Variants in SLITRK5 observed in about 807,000 individuals in gnomAD.
The protein encoded by SLITRK5 is SLIT and NTRK-like protein 5.
SLITRK5 carries 23 observed loss-of-function variants against 56.2 expected under a neutral mutation model. That is an observed-to-expected ratio of 0.41 (90% CI 0.29 to 0.58). SLITRK5 has a LOEUF of 0.58. Among genes scored for constraint, SLITRK5 ranks in the 20% least tolerant of loss-of-function variants. The pLI is 0.30. For missense variants in SLITRK5, 1,289 were observed against 1,226.6 expected, an observed-to-expected ratio of 1.05 and a Z score of -0.76; for synonymous variants, 637 against 531.8, an observed-to-expected ratio of 1.20 and a Z score of -2.72.
intron 1 of SLITRK5, among the ~76,000 whole-genome samples, chr13:87,673,197 C>G (rs958349243): frequency 6.7e-6 from 1 of 150,116 alleles, no homozygotes; most frequent in Non-Finnish European, 1.5e-5. Flanking sequence ...CCCCCGCCCT[C>G]CAGGAAAAAA....
Position 87,671,416 on chromosome 13 carries a change from T to A in SLITRK5, c.-802T>A, listed in dbSNP as rs372635271. 4.6e-5 allele frequency among the ~76,000 whole-genome samples: 7 copies of A among 152,150 alleles called. No individual in the cohort carries two copies. The East Asian group carries it at 1.4e-3, about 30-fold the overall frequency. On this transcript the variant is annotated 5_prime_UTR_variant, in exon 1 of 2. Coordinates refer to ENST00000683689, the MANE Select transcript of SLITRK5 (RefSeq NM_001384609.1). ...CGGGCCCATCATGTCTGCTGCAGCT[T>A]GGCTCGCACCAGAGGCGCGACAATA...
Position 87,676,495 on chromosome 13 carries a change from G to T in SLITRK5, c.1107G>T (p.Pro369=), listed in dbSNP as rs776020568. 6.2e-6 allele frequency: 10 copies of T among 1,613,974 alleles called. No individual in the cohort carries two copies. The highest frequency in any genetic ancestry group is 2.2e-5 in the South Asian group (2 of 91,078). ...GCATCGCCTATCAGACCAAATCCCC[G>T]GTGCCTTTGGAGTGTCCCACCGCGT... ...GPSIAYQTKS[P]VPLECPTACS... is the part of the protein sequence containing the mutation. The change falls in exon 2 of 2, where the codon CCG becomes CCT. Residue 369 remains proline, a synonymous_variant. Transcript: ENST00000683689.
In SLITRK5 at chr13:87,678,256, C is replaced by G; in HGVS notation, c.2868C>G (p.Ser956Arg). ...TGCTGGAAAAACAGACCACGTTTAGCCAGTTCTAAAAGCAAAGAAACTCTC... is the reference window on the plus strand; with the variant it reads ...TGCTGGAAAAACAGACCACGTTTAGGCAGTTCTAAAAGCAAAGAAACTCTC... ...LEVLEKQTTF[S>R]QF The change falls in exon 2 of 2, where the codon AGC becomes AGG. Residue 956 changes from serine (S) to arginine (R), a missense_variant. Around this residue, in one of 3 missense-constraint regions of SLITRK5, gnomAD observed 985 missense variants for 906.0 expected, o/e 1.09. Transcript: ENST00000683689. 1 of 1,606,424 alleles carries G rather than the reference C, an allele frequency of 6.2e-7. No homozygotes were observed. Among genetic ancestry groups the G allele is most frequent in the Non-Finnish European group, 8.5e-7 (1 of 1,176,004 alleles).
rs1877287224 is a variant in SLITRK5 at position 87,676,603 on chromosome 13, G to T, written c.1215G>T (p.Gln405His). The T allele has an allele frequency of 3.7e-6, 6 of 1,614,070 alleles. No homozygotes were observed. The East Asian group carries it at 1.3e-4, about 36-fold the overall frequency. Residue 405 changes from glutamine to histidine, a missense_variant, in exon 2 of 2, where the codon CAG (glutamine) becomes CAT (histidine). This residue lies in a region of SLITRK5 where 985 missense variants were observed against 906.0 expected (regional missense o/e 1.09). Transcript: ENST00000683689. ...ERKIESIAEL[Q>H]PKPYNPKKMY... is the part of the protein sequence containing the mutation. The stretch of plus-strand genomic sequence containing the variant: ...AGATCGAGAGCATCGCTGAACTGCA[G>T]CCCAAGCCCTACAATCCCAAGAAAA...
Position 87,675,998 on chromosome 13 carries a change from C to T in SLITRK5, c.610C>T (p.His204Tyr). 1.9e-6 allele frequency: 3 copies of T among 1,614,126 alleles called. No individual in the cohort carries two copies. Among genetic ancestry groups the T allele is most frequent in the Non-Finnish European group, 1.7e-6 (2 of 1,180,034 alleles). The part of the protein sequence containing the change: ...NNLFRFVPLT[H>Y]LDLRGNRLKL... ...TCTTTTCCGTTTTGTGCCCTTAACG[C>T]ACTTGGACCTCCGGGGGAACCGGCT... The change falls in exon 2 of 2, where the codon CAC becomes TAC. Residue 204 changes from histidine to tyrosine, a missense_variant. This residue lies in a region of SLITRK5 where 291 missense variants were observed against 286.7 expected (regional missense o/e 1.02). Coordinates refer to ENST00000683689, the MANE Select transcript of SLITRK5 (RefSeq NM_001384609.1).
rs766500454 is a variant in SLITRK5 at position 87,677,568 on chromosome 13, C to A, written c.2180C>A (p.Pro727Gln). ...YGGGGGTGGH[P>Q]HAHVHHRGPA... ...GGCGGCGGCGGCACGGGCGGCCACC[C>A]ACACGCGCACGTGCATCACCGCGGG... The change falls in exon 2 of 2, where the codon CCA (proline) becomes CAA (glutamine). Residue 727 changes from proline (P) to glutamine (Q), a missense_variant. Pro to Gln is a moderately conservative substitution (Grantham distance 76). Coordinates refer to ENST00000683689, the MANE Select transcript of SLITRK5 (RefSeq NM_001384609.1). The surrounding 1 kb of genome is among the most constrained non-coding windows in gnomAD (Gnocchi z 4.7). 1.3e-5 allele frequency: 21 copies of A among 1,609,408 alleles called. No individual in the cohort carries two copies. The highest frequency in any genetic ancestry group is 1.8e-5 in the Non-Finnish European group (21 of 1,177,204).
In SLITRK5 at chr13:87,677,698, C is replaced by T. The variant is rs1387841936; in HGVS notation, c.2310C>T (p.Gly770=). The change falls in exon 2 of 2, where the codon GGC becomes GGT. Residue 770 remains glycine (G), a synonymous_variant. Transcript: ENST00000683689. This position sits in a 1 kb window ranked among gnomAD's most constrained non-coding sequence, Gnocchi z 4.7. ...ACCCCATCTACCGCTCCCGAGAGGG[C>T]AACTCCGTAGAGGATTACAAAGACC... ...CKNPIYRSRE[G]NSVEDYKDLH... 2.5e-6 allele frequency: 4 copies of T among 1,606,686 alleles called. No homozygotes were observed. The highest frequency in any genetic ancestry group is 3.4e-6 in the Non-Finnish European group (4 of 1,174,338).
rs368201867 is a variant in SLITRK5, at chr13:87,677,464, G to C, written c.2076G>C (p.Arg692Ser). 4 of 1,612,268 alleles carry C rather than the reference G, an allele frequency of 2.5e-6. No individual in the cohort carries two copies. Among genetic ancestry groups the C allele is most frequent in the African/African-American group, 2.7e-5 (2 of 74,908 alleles). The change falls in exon 2 of 2, where the codon AGG (arginine) becomes AGC (serine). Residue 692 changes from arginine to serine, a missense_variant. Physicochemically the swap from Arg to Ser is moderately radical, Grantham distance 110. Around this residue, in one of 3 missense-constraint regions of SLITRK5, gnomAD observed 985 missense variants for 906.0 expected, o/e 1.09. Coordinates refer to ENST00000683689, the MANE Select transcript of SLITRK5 (RefSeq NM_001384609.1). The surrounding 1 kb of genome is among the most constrained non-coding windows in gnomAD (Gnocchi z 4.7). ...AGLFVLVMKR[R>S]KKNQSDHTST... Reference sequence around the variant, plus strand: ...TCTTCGTGCTGGTCATGAAGCGCAGGAAGAAGAACCAGAGCGACCACACCA... The same window carrying C: ...TCTTCGTGCTGGTCATGAAGCGCAGCAAGAAGAACCAGAGCGACCACACCA...
rs74969043 is a variant in SLITRK5 at position 87,678,867 on chromosome 13, A to G, written c.*602A>G. 2.4e-5 allele frequency: 4 copies of G among 167,006 alleles called. No homozygotes were observed. Among genetic ancestry groups the G allele is most frequent in the Non-Finnish European group, 4.4e-5 (3 of 68,156 alleles). 10.3% of individuals were successfully genotyped at this position (167,006 alleles called of 1,614,324 possible). ...TTCTGGACATTTGAATTAAAAAAAA[A>G]GTATTGTGATCCTGTAAAGGATCAC... On this transcript the variant is annotated 3_prime_UTR_variant, in exon 2 of 2. Transcript: ENST00000683689.
At position 87,676,583 on chromosome 13, in the gene SLITRK5, G is replaced by C. The variant is rs758176397; in HGVS notation, c.1195G>C (p.Glu399Gln). The C allele has an allele frequency of 3.7e-6, 6 of 1,613,948 alleles. No homozygotes were observed. In the African/African-American group the frequency reaches 5.3e-5, roughly 14 times the overall value. The change falls in exon 2 of 2, where the codon GAG (glutamate) becomes CAG (glutamine). Residue 399 changes from glutamate to glutamine, a missense_variant. Physicochemically the swap from Glu to Gln is conservative, Grantham distance 29 (BLOSUM62 2). Coordinates refer to ENST00000683689, the MANE Select transcript of SLITRK5 (RefSeq NM_001384609.1). ...CGTAAACTGCCAGGAGCGAAAGATC[G>C]AGAGCATCGCTGAACTGCAGCCCAA... The part of the protein sequence containing the change: ...LNVNCQERKI[E>Q]SIAELQPKPY...
rs980408139 is a variant in SLITRK5 at position 87,677,115 on chromosome 13, T to A, written c.1727T>A (p.Leu576Gln). 6.2e-7 allele frequency: 1 copy of A among 1,614,050 alleles called. No homozygotes were observed. The highest frequency in any genetic ancestry group is 1.3e-5 in the African/African-American group (1 of 74,938). ...DCTCDIVGMK[L>Q]WVEQLKVGVL... is the part of the protein sequence containing the mutation. ...ACCTGTGACATTGTGGGCATGAAGC[T>A]GTGGGTGGAGCAGCTCAAAGTGGGC... The change falls in exon 2 of 2, where the codon CTG (leucine) becomes CAG (glutamine). Residue 576 changes from leucine to glutamine, a missense_variant. By Grantham distance (113) the Leu-to-Gln change is moderately radical. This residue lies in a region of SLITRK5 where 985 missense variants were observed against 906.0 expected (regional missense o/e 1.09). Transcript: ENST00000683689. This position sits in a 1 kb window ranked among gnomAD's most constrained non-coding sequence, Gnocchi z 4.7.
In SLITRK5 at chr13:87,676,897, G is replaced by A; in HGVS notation, c.1509G>A (p.Pro503=). 1 of 1,614,030 alleles carries A rather than the reference G, an allele frequency of 6.2e-7. No individual in the cohort carries two copies. The highest frequency in any genetic ancestry group is 8.5e-7 in the Non-Finnish European group (1 of 1,180,006). Reference sequence around the variant, plus strand: ...AGATTCAGTCTGGAACTTTTGACCCGGTCCCAAACCTCCAGCTGCTATTCT... The same window carrying A: ...AGATTCAGTCTGGAACTTTTGACCCAGTCCCAAACCTCCAGCTGCTATTCT... The part of the protein sequence containing the change: ...IREIQSGTFD[P]VPNLQLLFLN... Residue 503 remains proline, a synonymous_variant, in exon 2 of 2, where the codon CCG becomes CCA. Coordinates refer to ENST00000683689, the MANE Select transcript of SLITRK5 (RefSeq NM_001384609.1).
Position 87,676,485 on chromosome 13 carries a change from C to A in SLITRK5, c.1097C>A (p.Thr366Asn). The A allele has an allele frequency of 1.2e-6, 2 of 1,614,112 alleles. No homozygotes were observed. The highest frequency in any genetic ancestry group is 2.2e-5 in the South Asian group (2 of 91,086). The change falls in exon 2 of 2, where the codon ACC becomes AAC. Residue 366 changes from threonine to asparagine, a missense_variant. By Grantham distance (65) the Thr-to-Asn change is moderately conservative. Coordinates refer to ENST00000683689, the MANE Select transcript of SLITRK5 (RefSeq NM_001384609.1). ...SNYGPSIAYQ[T>N]KSPVPLECPT... ...TATGGCCCCAGCATCGCCTATCAGA[C>A]CAAATCCCCGGTGCCTTTGGAGTGT...
Position 87,676,144 on chromosome 13 carries a change from C to T in SLITRK5, c.756C>T (p.Ser252=). The change falls in exon 2 of 2, where the codon AGC becomes AGT. Residue 252 remains serine, a synonymous_variant. Coordinates refer to ENST00000683689, the MANE Select transcript of SLITRK5 (RefSeq NM_001384609.1). ...ELISLKDWLD[S]ISYSALVGDV... is the part of the protein sequence containing the mutation. ...TCTCTCTAAAGGATTGGTTGGACAG[C>T]ATCTCCTATTCAGCCCTGGTGGGGG... 2 of 1,614,106 alleles carry T rather than the reference C, an allele frequency of 1.2e-6. No homozygotes were observed. The highest frequency in any genetic ancestry group is 1.7e-6 in the Non-Finnish European group (2 of 1,180,024).
In SLITRK5 at chr13:87,678,152, G is replaced by A; in HGVS notation, c.2764G>A (p.Ala922Thr). ...ACCGGTGCTCTACAGCCCCCCGAGT[G>A]CTGTCTTTGTAGAACCCAACCGGAA... ...REPVLYSPPS[A>T]VFVEPNRNEY... The change falls in exon 2 of 2, where the codon GCT becomes ACT. Residue 922 changes from alanine to threonine, a missense_variant. Around this residue, in one of 3 missense-constraint regions of SLITRK5, gnomAD observed 985 missense variants for 906.0 expected, o/e 1.09. Transcript: ENST00000683689. The A allele has an allele frequency of 2.5e-6, 4 of 1,614,232 alleles. No homozygotes were observed. The highest frequency in any genetic ancestry group is 3.4e-6 in the Non-Finnish European group (4 of 1,180,050).
At chr13:87,672,313 A>G (rs889503628) in intron 1 of SLITRK5, among the ~76,000 whole-genome samples, 104 bp downstream of exon 1, 1 of 152,038 alleles carries the variant, frequency 6.6e-6, no homozygotes, top group African/African-American at 2.4e-5. Flanking sequence ...CATGAGTGTG[A>G]GCGGGTGCGA....
At chr13:87,673,314 T>C (rs1428525395) in intron 1 of SLITRK5, among the ~76,000 whole-genome samples, 2 of 151,966 alleles carry the variant, frequency 1.3e-5, no homozygotes, top group Non-Finnish European at 2.9e-5. Flanking sequence ...CTTTATTTTC[T>C]CAAATTTTTG....
In SLITRK5 at chr13:87,677,488, C is replaced by A. The variant is rs1877334307; in HGVS notation, c.2100C>A (p.Thr700=). 6.2e-7 allele frequency: 1 copy of A among 1,611,876 alleles called. No homozygotes were observed. The highest frequency in any genetic ancestry group is 8.5e-7 in the Non-Finnish European group (1 of 1,179,950). The change falls in exon 2 of 2, where the codon ACC becomes ACA. Residue 700 remains threonine (T), a synonymous_variant. Coordinates refer to ENST00000683689, the MANE Select transcript of SLITRK5 (RefSeq NM_001384609.1). The surrounding 1 kb of genome is among the most constrained non-coding windows in gnomAD (Gnocchi z 4.7). The part of the protein sequence containing the change: ...KRRKKNQSDH[T]STNNSDVSSF... ...GGAAGAAGAACCAGAGCGACCACAC[C>A]AGCACCAACAACTCCGACGTGAGCT...
chr13:87,678,170 A>G lies in SLITRK5; in HGVS notation c.2782A>G (p.Asn928Asp). The change falls in exon 2 of 2, where the codon AAC (asparagine) becomes GAC (aspartate). Residue 928 changes from asparagine to aspartate, a missense_variant. Asn to Asp is a conservative substitution (Grantham distance 23). Coordinates refer to ENST00000683689, the MANE Select transcript of SLITRK5 (RefSeq NM_001384609.1). The part of the protein sequence containing the change: ...SPPSAVFVEP[N>D]RNEYLELKAK... Reference sequence around the variant, plus strand: ...CCCGAGTGCTGTCTTTGTAGAACCCAACCGGAACGAATATCTGGAGTTAAA... The same window carrying G: ...CCCGAGTGCTGTCTTTGTAGAACCCGACCGGAACGAATATCTGGAGTTAAA... 1 of 1,614,208 alleles carries G rather than the reference A, an allele frequency of 6.2e-7. No individual in the cohort carries two copies. Among genetic ancestry groups the G allele is most frequent in the South Asian group, 1.1e-5 (1 of 91,084 alleles).
Sources: allele counts gnomAD v4.1 joint callset (sites outside exome capture counted in the v4.1 genomes callset), GRCh38; gene constraint gnomAD v4.1.1; regional missense constraint gnomAD v4.1.1; non-coding constraint Gnocchi (gnomAD v3.1); transcripts MANE v1.5; gene names NCBI Gene and HGNC (gene_info 2026-07-23, HGNC 2026-07-21).